Variants in PIBF1 observed in about 807,000 individuals in gnomAD.
The protein encoded by PIBF1 is progesterone immunomodulatory binding factor 1.
Under a neutral mutation model 112.5 loss-of-function variants are expected in PIBF1, and 90 were observed. The observed-to-expected ratio is 0.80, with a 90% CI of 0.67 to 0.95. PIBF1 has a LOEUF of 0.95. PIBF1 is among the 40% of genes least tolerant of loss of function. The probability of loss-of-function intolerance (pLI) is 0.00; values close to 1 mark genes in which losing one functional copy is unlikely to be tolerated. For synonymous variants in PIBF1, 301 were observed against 288.6 expected (o/e 1.04, Z -0.44); for missense variants, 915 against 852.3 (o/e 1.07, Z -0.92).
chr13:72,973,619 C>A lies in PIBF1; in HGVS notation c.1993C>A (p.Leu665Ile). ...CTTAAATAAAGAAAAGTCAGCTTTA[C>A]TACAGACGAAGAATCAAATGGCATT... is the stretch of plus-strand genomic sequence containing the variant. ...SNLNKEKSAL[L>I]QTKNQMALDL... The change falls in exon 16 of 18, where the codon CTA (leucine) becomes ATA (isoleucine). Residue 665 changes from leucine (L) to isoleucine (I), a missense_variant. By Grantham distance (5) the Leu-to-Ile change is conservative. Transcript: ENST00000326291. 1 of 1,568,502 alleles carries A rather than the reference C, an allele frequency of 6.4e-7. No homozygotes were observed. The highest frequency in any genetic ancestry group is 8.6e-7 in the Non-Finnish European group (1 of 1,157,684).
At chr13:72,843,504 C>T (rs527876288) in intron 9 of PIBF1, among the ~76,000 whole-genome samples, 28 of 152,284 alleles carry the variant, frequency 1.8e-4, no homozygotes, top group Admixed American at 1.6e-3. Context: ...CTCTGCCTCC[C>T]GGGTTTAAGT....
At chr13:72,979,198 AAG>A (rs1273564567) in intron 16 of PIBF1, among the ~76,000 whole-genome samples, 1 of 152,186 alleles carries the variant, frequency 6.6e-6, no homozygotes, top group Admixed American at 6.5e-5. Context: ...CTTTTAGAAA[AAG>A]AGAAATGTGA....
At chr13:72,963,479 A>G (rs573629783) in intron 14 of PIBF1, among the ~76,000 whole-genome samples, 9 of 152,286 alleles carry the variant, frequency 5.9e-5, no homozygotes, top group Non-Finnish European at 1.2e-4. Flanking sequence ...CTCTAATCCC[A>G]GCTACTCAGA....
intron 2 of PIBF1, among the ~76,000 whole-genome samples, chr13:72,791,576 T>C: frequency 6.6e-6 from 1 of 152,312 alleles, no homozygotes; most frequent in East Asian, 1.9e-4. Flanking sequence ...TATGCCACAG[T>C]GTTTAGAATT....
chr13:72,831,649 T>G (rs980739197), intron 8 of PIBF1, among the ~76,000 whole-genome samples: 3 of 152,202 alleles, frequency 2.0e-5, no homozygotes, highest in Admixed American at 2.0e-4. Flanking sequence ...ATGATTTCTG[T>G]TCTTTTGCAT....
intron 14 of PIBF1, among the ~76,000 whole-genome samples, chr13:72,934,878 G>C (rs2041818502): frequency 6.6e-6 from 1 of 152,116 alleles, no homozygotes; most frequent in South Asian, 2.1e-4. Flanking sequence ...ATGCCCCTTT[G>C]GAATTCTTGC....
At chr13:73,009,460 A>G (rs1004080490) in intron 17 of PIBF1, among the ~76,000 whole-genome samples, 1 of 152,220 alleles carries the variant, frequency 6.6e-6, no homozygotes, top group African/African-American at 2.4e-5. Context: ...ATATCCCCAG[A>G]ACCTAACACA....
At position 72,894,772 on chromosome 13, in the gene PIBF1, AGTG is replaced by A. The variant is rs1187570875; in HGVS notation, c.1488+824_1488+826del. Among the ~76,000 whole-genome samples the A allele has an allele frequency of 3.0e-4, 41 of 137,208 alleles. 1 individual carries two copies. Among genetic ancestry groups the A allele is most frequent in the African/African-American group, 1.1e-3 (38 of 35,190 alleles). The allele number at this position is 137,208 out of a possible 152,430, so 90.0% of individuals were successfully genotyped here. On this transcript the variant is annotated intron_variant, in intron 11 of 17. Transcript: ENST00000326291. Reference sequence around the variant, plus strand: ...TAATATATATATTATATATATATATAGTGTGTGTGTGTGTGTGTGTGTGTGTGT... The same window carrying A: ...TAATATATATATTATATATATATATATGTGTGTGTGTGTGTGTGTGTGTGT...
intron 14 of PIBF1, among the ~76,000 whole-genome samples, chr13:72,962,397 G>A (rs763048809): frequency 3.9e-5 from 6 of 152,096 alleles, no homozygotes; most frequent in Non-Finnish European, 8.8e-5. Context: ...AGGAGTTCAA[G>A]CCCATCCTGG....
intron 17 of PIBF1, among the ~76,000 whole-genome samples, chr13:73,009,336 TAAG>T (rs760400132): frequency 2.0e-5 from 3 of 152,112 alleles, no homozygotes; most frequent in Non-Finnish European, 2.9e-5. Flanking sequence ...GTTCTGTTAT[TAAG>T]AAGGGTGAAA....
intron 14 of PIBF1, among the ~76,000 whole-genome samples, chr13:72,958,087 T>C (rs1246896953): frequency 2.0e-5 from 3 of 151,718 alleles, no homozygotes; most frequent in Non-Finnish European, 4.4e-5. Flanking sequence ...GCCACCACAC[T>C]TCAGCCTGGG....
intron 17 of PIBF1, among the ~76,000 whole-genome samples, chr13:73,010,545 G>T (rs376443109): frequency 6.6e-6 from 1 of 152,082 alleles, no homozygotes; most frequent in East Asian, 1.9e-4. Flanking sequence ...GGAGGTTGCA[G>T]TGGGCCGAGA....
intron 14 of PIBF1, among the ~76,000 whole-genome samples, chr13:72,960,909 AC>A (rs1265336992): frequency 2.0e-5 from 3 of 152,192 alleles, no homozygotes; most frequent in African/African-American, 4.8e-5. Flanking sequence ...AAGAAAAAAA[AC>A]ATTCTAAAAC....
intron 9 of PIBF1, among the ~76,000 whole-genome samples, chr13:72,848,599 A>C (rs1372020323): frequency 6.6e-6 from 1 of 152,140 alleles, no homozygotes; most frequent in Admixed American, 6.6e-5. Flanking sequence ...TAGTCCCAGC[A>C]CTTTGGGAGG....
At chr13:72,990,469 C>T (rs1299209984) in intron 16 of PIBF1, among the ~76,000 whole-genome samples, 1 of 144,014 alleles carries the variant, frequency 6.9e-6, no homozygotes, top group Non-Finnish European at 1.5e-5. Context: ...TGCAGTGAGC[C>T]AAGATCGTGC....
chr13:72,958,676 GAC>G (rs2138884475), intron 14 of PIBF1, among the ~76,000 whole-genome samples: 1 of 152,286 alleles, frequency 6.6e-6, no homozygotes, highest in East Asian at 1.9e-4. Context: ...TCATACCTGA[GAC>G]ACAGAGTTTC....
chr13:72,931,850 C>T (rs1362230013), intron 14 of PIBF1, among the ~76,000 whole-genome samples: 7 of 149,046 alleles, frequency 4.7e-5, no homozygotes, highest in Non-Finnish European at 7.4e-5. Context: ...ACCGGAGGTA[C>T]TACTTTGCTA....
chr13:72,892,421 AT>A (rs1566412768), intron 10 of PIBF1, among the ~76,000 whole-genome samples: 3 of 152,060 alleles, frequency 2.0e-5, no homozygotes, highest in African/African-American at 7.2e-5. Flanking sequence ...CTCTGATTAT[AT>A]TTTGAATGGT....
chr13:72,858,341 T>C (rs1226406441), intron 10 of PIBF1, among the ~76,000 whole-genome samples: 2 of 152,180 alleles, frequency 1.3e-5, no homozygotes, highest in African/African-American at 2.4e-5. Flanking sequence ...CGTGAGCCAC[T>C]ACGCCCAGCC....
Sources: allele counts gnomAD v4.1 joint callset (sites outside exome capture counted in the v4.1 genomes callset), GRCh38; gene constraint gnomAD v4.1.1; transcripts MANE v1.5; gene names NCBI Gene and HGNC (gene_info 2026-07-23, HGNC 2026-07-21).